Variants in SLC25A12 observed in about 807,000 individuals in gnomAD.
SLC25A12 encodes solute carrier family 25 member 12.
A neutral mutation model predicts 83.3 loss-of-function variants in SLC25A12; 32 were observed. The ratio of observed to expected loss-of-function variants is 0.38; its 90% CI spans 0.29 to 0.52. The LOEUF (loss-of-function observed/expected upper bound fraction) is 0.52, where lower values mean the gene tolerates loss of function less well. Among genes scored for constraint, SLC25A12 ranks in the 20% least tolerant of loss-of-function variants. The pLI, the probability that SLC25A12 is intolerant of heterozygous loss-of-function variation, is 0.84. For synonymous variants in SLC25A12, 267 were observed against 291.1 expected, an observed-to-expected ratio of 0.92 and a Z score of 0.84; for missense variants, 611 against 835.6, an observed-to-expected ratio of 0.73 and a Z score of 3.31.
intron 4 of SLC25A12, 104 bp downstream of exon 4, chr2:171,855,730 T>C: frequency 1.3e-6 from 1 of 783,096 alleles, no homozygotes; most frequent in East Asian, 2.4e-5. Flanking sequence ...CAATTATGGG[T>C]CAGATCCCAA....
intron 2 of SLC25A12, among the ~76,000 whole-genome samples, chr2:171,880,101 C>G (rs1377317149): frequency 6.6e-6 from 1 of 152,126 alleles, no homozygotes; most frequent in Middle Eastern, 3.2e-3. Context: ...TGTCTGAGAA[C>G]TGCTTCAAAA....
chr2:171,803,133 A>C (rs1217313102), intron 13 of SLC25A12, among the ~76,000 whole-genome samples: 3 of 152,064 alleles, frequency 2.0e-5, no homozygotes, highest in African/African-American at 7.2e-5. Flanking sequence ...AAAAAAAAAA[A>C]ACCTAAAAAA....
intron 11 of SLC25A12, among the ~76,000 whole-genome samples, chr2:171,811,521 C>T (rs1053127189): frequency 2.6e-5 from 4 of 152,120 alleles, no homozygotes; most frequent in African/African-American, 9.7e-5. Flanking sequence ...TCATTGTTGC[C>T]TGCGAAGAAA....
chr2:171,844,270 C>A (rs150591743), intron 5 of SLC25A12, 99 bp downstream of exon 5: 4 of 1,303,552 alleles, frequency 3.1e-6, no homozygotes, highest in African/African-American at 1.5e-5. Context: ...AGTGAAATAC[C>A]ATGGAGAACT....
chr2:171,832,901 T>C (rs1684473107), intron 8 of SLC25A12, among the ~76,000 whole-genome samples: 3 of 152,202 alleles, frequency 2.0e-5, no homozygotes. Context: ...TCAGGATTAG[T>C]AGGGATGCCA....
intron 13 of SLC25A12, among the ~76,000 whole-genome samples, chr2:171,794,530 C>A: frequency 6.7e-6 from 1 of 149,160 alleles, no homozygotes. Flanking sequence ...TGGTGAGTGA[C>A]AGAGATTTGA....
chr2:171,806,403 C>T (rs531712373), intron 13 of SLC25A12, among the ~76,000 whole-genome samples: 2 of 152,134 alleles, frequency 1.3e-5, no homozygotes, highest in African/African-American at 4.8e-5. Context: ...TGCGGTGGGC[C>T]GAGATCGTGC....
chr2:171,887,969 A>G lies in SLC25A12; in HGVS notation c.66+5236T>C, dbSNP rs769671896. The stretch of plus-strand genomic sequence containing the variant: ...ACAGGAAAAATGAACCTATTTCCCT[A>G]TATTCAAAATAATAATGCTTTACTC... On this transcript the variant is annotated intron_variant, in intron 2 of 17. Coordinates refer to ENST00000422440, the MANE Select transcript of SLC25A12 (RefSeq NM_003705.5). Among the ~76,000 whole-genome samples the G allele has an allele frequency of 6.8e-4, 104 of 152,304 alleles. 1 individual carries two copies. The highest frequency in any genetic ancestry group is 3.4e-3 in the Middle Eastern group (1 of 294).
rs1012831303 is a variant in SLC25A12, at chr2:171,884,868, T to C, written c.66+8337A>G. Among the ~76,000 whole-genome samples the C allele has an allele frequency of 3.9e-5, 6 of 152,136 alleles. No individual in the cohort carries two copies. The East Asian group carries it at 9.7e-4, about 25-fold the overall frequency. On this transcript the variant is annotated intron_variant, in intron 2 of 17. Transcript: ENST00000422440. ...ACTAAACAGCTCTATCTTATCTCTA[T>C]AAAGGTAGAACCTAGTACAGTGCTT...
At chr2:171,826,065 CTG>C (rs984442564) in intron 9 of SLC25A12, among the ~76,000 whole-genome samples, 5 of 152,032 alleles carry the variant, frequency 3.3e-5, no homozygotes, top group African/African-American at 1.2e-4. Flanking sequence ...TGGCTGTAAT[CTG>C]TAAGGCACAA....
At chr2:171,833,737 C>T (rs1255008957) in intron 8 of SLC25A12, among the ~76,000 whole-genome samples, 1 of 151,774 alleles carries the variant, frequency 6.6e-6, no homozygotes, top group Non-Finnish European at 1.5e-5. Flanking sequence ...CTCCCTTGTT[C>T]TCTCCTTTCC....
intron 2 of SLC25A12, among the ~76,000 whole-genome samples, chr2:171,890,629 A>T (rs1685911292): frequency 1.3e-5 from 2 of 152,154 alleles, no homozygotes; most frequent in African/African-American, 2.4e-5. Context: ...CCACAGATGG[A>T]TGCCACCAGG....
chr2:171,836,971 C>T, intron 6 of SLC25A12, 150 bp downstream of exon 6: 1 of 709,774 alleles, frequency 1.4e-6, no homozygotes. Context: ...CACACACACA[C>T]ACACACACAC....
chr2:171,866,789 A>G (rs1180369719), intron 3 of SLC25A12, among the ~76,000 whole-genome samples: 2 of 130,732 alleles, frequency 1.5e-5, no homozygotes, highest in Admixed American at 7.6e-5. Flanking sequence ...TCCCTCCCGG[A>G]CGGGGCGGCT....
chr2:171,842,785 C>T (rs557726843), intron 5 of SLC25A12, among the ~76,000 whole-genome samples: 1 of 152,122 alleles, frequency 6.6e-6, no homozygotes, highest in Non-Finnish European at 1.5e-5. Context: ...ATATAAGACA[C>T]TGTGAACGTA....
chr2:171,849,969 T>A (rs1049279365), intron 4 of SLC25A12, among the ~76,000 whole-genome samples: 10 of 151,636 alleles, frequency 6.6e-5, no homozygotes, highest in Admixed American at 2.6e-4. Flanking sequence ...AACTGGCTAA[T>A]TTTTTTGTAT....
chr2:171,801,447 C>A (rs1683706009), intron 13 of SLC25A12, among the ~76,000 whole-genome samples: 1 of 151,924 alleles, frequency 6.6e-6, no homozygotes, highest in East Asian at 1.9e-4. Context: ...TATTTTTGCC[C>A]ACAATAGATA....
At chr2:171,839,476 T>C (rs1684627296) in intron 5 of SLC25A12, among the ~76,000 whole-genome samples, 1 of 152,178 alleles carries the variant, frequency 6.6e-6, no homozygotes, top group Non-Finnish European at 1.5e-5. Context: ...TCCTATGCCC[T>C]TGAAAATGCA....
At chr2:171,893,790 G>A (rs1011540975) in intron 1 of SLC25A12, among the ~76,000 whole-genome samples, 3 of 152,072 alleles carry the variant, frequency 2.0e-5, no homozygotes, top group African/African-American at 7.2e-5. Context: ...ACTGCCCTCG[G>A]CCTTATTGAG....
Sources: allele counts gnomAD v4.1 joint callset (sites outside exome capture counted in the v4.1 genomes callset), GRCh38; gene constraint gnomAD v4.1.1; transcripts MANE v1.5; gene names NCBI Gene and HGNC (gene_info 2026-07-23, HGNC 2026-07-21).